Variants in ZNF676 observed in about 807,000 individuals in gnomAD.
The protein encoded by ZNF676 is zinc finger protein 676.
A neutral mutation model predicts 6.0 loss-of-function variants in ZNF676; 4 were observed. The observed-to-expected ratio is 0.67, with a 90% confidence interval of 0.33 to 1.53. ZNF676 has a LOEUF of 1.53. Among genes scored for constraint, ZNF676 ranks in the 40% most tolerant of loss-of-function variants. The pLI, the probability that ZNF676 is intolerant of heterozygous loss-of-function variation, is 0.06. For synonymous variants in ZNF676, 198 were observed against 223.1 expected (o/e 0.89, Z 1.00); for missense variants, 644 against 679.7 (o/e 0.95, Z 0.58).
chr19:22,208,004 A>G lies in ZNF676; in HGVS notation c.3+7628T>C, dbSNP rs58253971. Among the ~76,000 whole-genome samples the G allele has an allele frequency of 2.6e-5, 4 of 151,604 alleles. No homozygotes were observed. The East Asian group carries it at 7.7e-4, about 29-fold the overall frequency. On this transcript the variant is annotated intron_variant, in intron 1 of 3. Coordinates refer to the ZNF676 transcript ENST00000650058. Reference sequence around the variant, plus strand: ...ATTATAAAAAAAAAAAAAACAAAAAACCCTGGAAGATAAGAAGTGCCATTC... The same window carrying G: ...ATTATAAAAAAAAAAAAAACAAAAAGCCCTGGAAGATAAGAAGTGCCATTC...
chr19:22,190,630 C>CATAT (rs74174059), intron 2 of ZNF676, among the ~76,000 whole-genome samples: 5,351 of 66,502 alleles, frequency 0.08, 348 homozygotes, highest in Admixed American at 0.15. Context: ...TAGAATGCAA[C>CATAT]ATATATATAT....
Position 22,179,852 on chromosome 19 carries a change from C to T in ZNF676, c.*98G>A. 2 of 1,369,306 alleles carry T rather than the reference C, an allele frequency of 1.5e-6. No homozygotes were observed. Among genetic ancestry groups the T allele is most frequent in the South Asian group, 1.2e-5 (1 of 82,378 alleles). The allele number at this position is 1,369,306 out of a possible 1,614,324, so 84.8% of individuals were successfully genotyped here. On this transcript the variant is annotated 3_prime_UTR_variant, in exon 3 of 3. Coordinates refer to ENST00000397121, the MANE Select transcript of ZNF676 (RefSeq NM_001001411.3). ...ATTGAGGACTGTTTAAAAGCTTTGCCACATTCTTCACCTTTGTAGATTTTC... is the reference window on the plus strand; with the variant it reads ...ATTGAGGACTGTTTAAAAGCTTTGCTACATTCTTCACCTTTGTAGATTTTC...
At chr19:22,237,379 C>T in the ZNF676 span, among the ~76,000 whole-genome samples, 4 of 152,194 alleles carry the variant, frequency 2.6e-5, no homozygotes. Flanking sequence ...TATGTTCCTT[C>T]CACCATAATC....
chr19:22,188,831 C>T, intron 2 of ZNF676, among the ~76,000 whole-genome samples: 1 of 152,084 alleles, frequency 6.6e-6, no homozygotes, highest in Non-Finnish European at 1.5e-5. Context: ...GAACTACAAA[C>T]CACAGCTCAA....
At chr19:22,214,624 T>G (rs1031480237) in intron 1 of ZNF676, among the ~76,000 whole-genome samples, 8 of 146,540 alleles carry the variant, frequency 5.5e-5, no homozygotes, top group Admixed American at 4.1e-4. Context: ...AAAAATCTAA[T>G]TCAAATGTAT....
intron 1 of ZNF676, among the ~76,000 whole-genome samples, chr19:22,194,854 A>G (rs578185863): frequency 6.6e-6 from 1 of 152,236 alleles, no homozygotes; most frequent in South Asian, 2.1e-4. Flanking sequence ...CAGGAACACC[A>G]GGAAGTGCAC....
At chr19:22,188,464 C>T (rs1345177668) in intron 2 of ZNF676, among the ~76,000 whole-genome samples, 3 of 152,122 alleles carry the variant, frequency 2.0e-5, no homozygotes, top group Non-Finnish European at 4.4e-5. Context: ...ACAAGGATGC[C>T]CTCTCTCACC....
chr19:22,217,211 T>G (rs1473400453), upstream of ZNF676, among the ~76,000 whole-genome samples: 1 of 151,936 alleles, frequency 6.6e-6, no homozygotes, highest in Non-Finnish European at 1.5e-5. Flanking sequence ...TTAATTATAT[T>G]TATTTATTGA....
At chr19:22,232,200 G>A in the ZNF676 span, among the ~76,000 whole-genome samples, 4 of 151,146 alleles carry the variant, frequency 2.6e-5, no homozygotes, top group Admixed American at 6.6e-5. Flanking sequence ...ACGGAGTCTC[G>A]CTCTGTCTCC....
At position 22,182,593 on chromosome 19, in the gene ZNF676, A is replaced by AAAAAAAAAAAAAAC. The variant is rs1356303631; in HGVS notation, c.131-1008_131-1007insGTTTTTTTTTTTTT. ...TGATATAGTCAAAGTTCTAAAAAAA[A>AAAAAAAAAAAAAAC]AAAAAAAAAGCAAACAAAAAAAAGA... On this transcript the variant is annotated intron_variant, in intron 2 of 2. Transcript: ENST00000397121. Among the ~76,000 whole-genome samples, 401 of 90,876 alleles carry AAAAAAAAAAAAAAC rather than the reference A, an allele frequency of 4.4e-3. 9 individuals carry two copies. Among genetic ancestry groups the AAAAAAAAAAAAAAC allele is most frequent in the Non-Finnish European group, 6.5e-3 (312 of 47,686 alleles). The allele number at this position is 90,876 out of a possible 152,430, so 59.6% of individuals were successfully genotyped here. A position where few individuals can be genotyped will look rare whatever the true frequency, so the allele number is the denominator to read the frequency against.
At chr19:22,182,847 C>T (rs369206264) in intron 2 of ZNF676, among the ~76,000 whole-genome samples, 2 of 151,912 alleles carry the variant, frequency 1.3e-5, no homozygotes, top group East Asian at 1.9e-4. Flanking sequence ...TATGCACACA[C>T]AAAAAAATTG....
chr19:22,198,304 A>T (rs532023457), upstream of ZNF676, among the ~76,000 whole-genome samples: 1 of 152,342 alleles, frequency 6.6e-6, no homozygotes, highest in Admixed American at 6.5e-5. Flanking sequence ...GCATATAAGA[A>T]GCCATAATAT....
intron 2 of ZNF676, among the ~76,000 whole-genome samples, chr19:22,191,488 A>G (rs1349040870): frequency 6.6e-6 from 1 of 152,134 alleles, no homozygotes; most frequent in Non-Finnish European, 1.5e-5. Flanking sequence ...TAGCAGTTCC[A>G]TGACTCAGTT....
chr19:22,253,378 A>G, the ZNF676 span, among the ~76,000 whole-genome samples: 1,217 of 91,130 alleles, frequency 0.013, 31 homozygotes, highest in African/African-American at 0.066. Flanking sequence ...GTGTGTATAT[A>G]TATATATATA....
At chr19:22,235,008 GA>G in the ZNF676 span, among the ~76,000 whole-genome samples, 1 of 109,040 alleles carries the variant, frequency 9.2e-6, no homozygotes, top group East Asian at 2.5e-4. Context: ...AAGAAAGAAA[GA>G]AAGAAAGAAA....
intron 1 of ZNF676, among the ~76,000 whole-genome samples, chr19:22,211,218 C>T (rs2024126794): frequency 6.6e-6 from 1 of 152,034 alleles, no homozygotes; most frequent in Non-Finnish European, 1.5e-5. Context: ...ACCTTAACTG[C>T]ATCTGCCTGT....
At chr19:22,236,074 C>T in the ZNF676 span, among the ~76,000 whole-genome samples, 2 of 151,658 alleles carry the variant, frequency 1.3e-5, no homozygotes, top group African/African-American at 2.4e-5. Flanking sequence ...GAATCACCAC[C>T]TTTGCGTCTT....
At chr19:22,196,477 A>T in intron 1 of ZNF676, 123 bp downstream of exon 1, 1 of 1,576,516 alleles carries the variant, frequency 6.3e-7, no homozygotes, top group Non-Finnish European at 8.6e-7. Context: ...CCTTCTTCCA[A>T]ATATACTCTT....
At chr19:22,223,550 C>A in the ZNF676 span, among the ~76,000 whole-genome samples, 2 of 150,728 alleles carry the variant, frequency 1.3e-5, no homozygotes, top group Admixed American at 6.6e-5. Flanking sequence ...ATGTCGCTCT[C>A]CCTATACATT....
Sources: allele counts gnomAD v4.1 joint callset (sites outside exome capture counted in the v4.1 genomes callset), GRCh38; gene constraint gnomAD v4.1.1; transcripts MANE v1.5; gene names NCBI Gene and HGNC (gene_info 2026-07-23, HGNC 2026-07-21).